Variants in ADAMTS10 observed in about 807,000 individuals in gnomAD.
The protein encoded by ADAMTS10 is A disintegrin and metalloproteinase with thrombospondin motifs 10.
In ADAMTS10, 48 loss-of-function variants were observed where a neutral mutation model predicts 135.9. The observed-to-expected ratio is 0.35, with a 90% confidence interval of 0.28 to 0.45. ADAMTS10 has a LOEUF of 0.45. Ranked by LOEUF, ADAMTS10 falls within the 20% of genes least tolerant of loss-of-function variation. The pLI, the probability that ADAMTS10 is intolerant of heterozygous loss-of-function variation, is 1.00. For synonymous variants in ADAMTS10, 621 were observed against 647.5 expected (o/e 0.96, Z 0.62); for missense variants, 1,131 against 1,565.2 (o/e 0.72, Z 4.68).
intron 23 of ADAMTS10, 32 bp downstream of exon 23, chr19:8,585,424 C>A (rs782733796): frequency 4.6e-5 from 71 of 1,537,322 alleles, no homozygotes; most frequent in Non-Finnish European, 2.5e-5. Flanking sequence ...ACCTGGGCAT[C>A]CCAGTGGGCG....
Position 8,605,877 on chromosome 19 carries a change from A to G in ADAMTS10, c.-99-68T>C. On this transcript the variant is annotated intron_variant, in intron 2 of 25. Transcript: ENST00000597188. This position sits in a 1 kb window ranked among gnomAD's most constrained non-coding sequence, Gnocchi z 7.7. ...TCCAGCACAACCAATGCCAAGGCCA[A>G]TCATGGCCAAAGCTTTTCACCTGAC... is the stretch of plus-strand genomic sequence containing the variant. 7.3e-7 allele frequency: 1 copy of G among 1,376,186 alleles called. No individual in the cohort carries two copies. The highest frequency in any genetic ancestry group is 9.6e-7 in the Non-Finnish European group (1 of 1,043,462). 85.2% of individuals were successfully genotyped at this position (1,376,186 alleles called of 1,614,324 possible).
Position 8,580,276 on chromosome 19 carries a change from G to A in ADAMTS10, c.*617C>T, listed in dbSNP as rs2042325093. On this transcript the variant is annotated 3_prime_UTR_variant, in exon 26 of 26. Transcript: ENST00000597188. ...CTACACAAGACAGAACTTTATTGAT[G>A]TAGGGCTTCCTGGCAGGAGTGTGTG... The A allele has an allele frequency of 6.4e-6, 1 of 155,272 alleles. No homozygotes were observed. Among genetic ancestry groups the A allele is most frequent in the Admixed American group, 6.4e-5 (1 of 15,740 alleles). The allele number at this position is 155,272 out of a possible 1,614,324, so 9.6% of individuals were successfully genotyped here. A position where few individuals can be genotyped will look rare whatever the true frequency, so the allele number is the denominator to read the frequency against.
chr19:8,605,289 A>C lies in ADAMTS10; in HGVS notation c.158T>G (p.Leu53Arg). The change falls in exon 4 of 26, where the codon CTG becomes CGG. Residue 53 changes from leucine to arginine, a missense_variant. By Grantham distance (102) the Leu-to-Arg change is moderately radical. Transcript: ENST00000597188. This position sits in a 1 kb window ranked among gnomAD's most constrained non-coding sequence, Gnocchi z 7.7. ...FPTRVDHNGA[L>R]LAFSPPPPRR... ...GGGAGGAGGTGGCGAGAAGGCCAGCAGTGCCCCGTTGTGGTCCACGCGGGT... is the reference window on the plus strand; with the variant it reads ...GGGAGGAGGTGGCGAGAAGGCCAGCCGTGCCCCGTTGTGGTCCACGCGGGT... 6.2e-7 allele frequency: 1 copy of C among 1,612,612 alleles called. No homozygotes were observed.
intron 25 of ADAMTS10, among the ~76,000 whole-genome samples, chr19:8,584,441 G>C (rs2146036537): frequency 6.6e-6 from 1 of 152,076 alleles, no homozygotes; most frequent in East Asian, 1.9e-4. Context: ...GAGCCCAGGA[G>C]TTGGAGACCA....
chr19:8,592,830 C>A lies in ADAMTS10; in HGVS notation c.1520G>T (p.Arg507Leu). ...SELWCLSKSN[R>L]CITNSIPAAE... ...GGCCGGGATGCTGTTGGTGATGCACCGGTTGCTCTTGCTCAGACACCACAG... is the reference window on the plus strand; with the variant it reads ...GGCCGGGATGCTGTTGGTGATGCACAGGTTGCTCTTGCTCAGACACCACAG... Residue 507 changes from arginine (R) to leucine (L), a missense_variant, in exon 13 of 26, where the codon CGG becomes CTG. By Grantham distance (102) the Arg-to-Leu change is moderately radical. This residue lies in a region of ADAMTS10 where 745 missense variants were observed against 1,056.3 expected (regional missense o/e 0.71). Coordinates refer to ENST00000597188, the MANE Select transcript of ADAMTS10 (RefSeq NM_030957.4). 6.2e-7 allele frequency: 1 copy of A among 1,613,028 alleles called. No individual in the cohort carries two copies. The highest frequency in any genetic ancestry group is 8.5e-7 in the Non-Finnish European group (1 of 1,179,870).
At position 8,596,347 on chromosome 19, in the gene ADAMTS10, G is replaced by A; in HGVS notation, c.1150C>T (p.Leu384=). 6.2e-7 allele frequency: 1 copy of A among 1,613,090 alleles called. No individual in the cohort carries two copies. ...TGGGCAATGGTGAACGCTGTGGCCAGGCCAATGTCCTCATTGACGCTGCAG... is the reference window on the plus strand; with the variant it reads ...TGGGCAATGGTGAACGCTGTGGCCAAGCCAATGTCCTCATTGACGCTGCAG... ...RSCSVNEDIG[L]ATAFTIAHEI... The change falls in exon 10 of 26, where the codon CTG becomes TTG. Residue 384 remains leucine, a synonymous_variant. Coordinates refer to ENST00000597188, the MANE Select transcript of ADAMTS10 (RefSeq NM_030957.4). This position sits in a 1 kb window ranked among gnomAD's most constrained non-coding sequence, Gnocchi z 7.2.
At chr19:8,592,196 TATC>T in intron 13 of ADAMTS10, 93 bp from the exon 14 acceptor site, 1 of 1,349,722 alleles carries the variant, frequency 7.4e-7, no homozygotes, top group Non-Finnish European at 9.6e-7. Flanking sequence ...CAGCCAGAGA[TATC>T]AGCCTCTCCG....
intron 18 of ADAMTS10, among the ~76,000 whole-genome samples, chr19:8,587,325 T>TA (rs1238935898): frequency 8.1e-6 from 1 of 122,938 alleles, no homozygotes; most frequent in Non-Finnish European, 1.7e-5. Flanking sequence ...CCTGGCTAAC[T>TA]AAAAAACCTT....
In ADAMTS10 at chr19:8,589,303, G is replaced by A. The variant is rs781823511; in HGVS notation, c.2097C>T (p.Gly699=). 2.2e-5 allele frequency: 35 copies of A among 1,612,444 alleles called. No individual in the cohort carries two copies. The highest frequency in any genetic ancestry group is 3.3e-4 in the Middle Eastern group (2 of 6,080). ...DLREDKCRVC[G]GDGSACETIE... Reference sequence around the variant, plus strand: ...TGGTCTCGCAGGCACTGCCGTCACCGCCACACACTCGGCACTTGTCCTCCC... The same window carrying A: ...TGGTCTCGCAGGCACTGCCGTCACCACCACACACTCGGCACTTGTCCTCCC... Residue 699 remains glycine, a synonymous_variant, in exon 18 of 26, where the codon GGC becomes GGT. Transcript: ENST00000597188.
intron 25 of ADAMTS10, among the ~76,000 whole-genome samples, chr19:8,583,070 C>T (rs1305879061): frequency 2.0e-5 from 3 of 151,688 alleles, no homozygotes; most frequent in Non-Finnish European, 4.4e-5. Context: ...AGGCATGAGC[C>T]ACCTCGCCCG....
At position 8,597,012 on chromosome 19, in the gene ADAMTS10, G is replaced by T. The variant is rs782424819; in HGVS notation, c.1015C>A (p.His339Asn). 6.2e-7 allele frequency: 1 copy of T among 1,613,938 alleles called. No homozygotes were observed. The highest frequency in any genetic ancestry group is 8.5e-7 in the Non-Finnish European group (1 of 1,180,014). ...NAIPENGVAN[H>N]DTAVLITRYD... ...CGTGTGATGAGCACTGCTGTGTCAT[G>T]GTTAGCCACACCGTTCTCTGGAATG... Residue 339 changes from histidine (H) to asparagine (N), a missense_variant, in exon 8 of 26, where the codon CAT (histidine) becomes AAT (asparagine). His to Asn is a moderately conservative substitution (Grantham distance 68, BLOSUM62 1). This residue lies in a region of ADAMTS10 where 80 missense variants were observed against 164.4 expected (regional missense o/e 0.49). Transcript: ENST00000597188.
Position 8,596,307 on chromosome 19 carries a change from G to C in ADAMTS10, c.1190C>G (p.Thr397Arg). 2.5e-6 allele frequency: 4 copies of C among 1,612,824 alleles called. No homozygotes were observed. Among genetic ancestry groups the C allele is most frequent in the Non-Finnish European group, 3.4e-6 (4 of 1,179,956 alleles). ...CCCCTCTTGTGTGCCCTGGCCTCAC[G>C]TGTGCCCGATCTCGTGGGCAATGGT... ...AFTIAHEIGH[T>R]FGMNHDGVGN... The change falls in exon 10 of 26, where the codon ACA becomes AGA. Residue 397 changes from threonine (T) to arginine (R), a missense_variant and splice_region_variant. Coordinates refer to ENST00000597188, the MANE Select transcript of ADAMTS10 (RefSeq NM_030957.4). This position sits in a 1 kb window ranked among gnomAD's most constrained non-coding sequence, Gnocchi z 7.2.
intron 12 of ADAMTS10, chr19:8,593,176 A>G (rs1467773128): frequency 1.5e-5 from 7 of 473,592 alleles, no homozygotes; most frequent in African/African-American, 1.2e-4. Context: ...ACAGCTACTA[A>G]GGGAATAGCC....
chr19:8,599,574 A>G (rs1555740987), intron 6 of ADAMTS10, among the ~76,000 whole-genome samples: 1 of 151,544 alleles, frequency 6.6e-6, no homozygotes, highest in Non-Finnish European at 1.5e-5. Flanking sequence ...CAGGTGATCC[A>G]CCCACCTTGG....
chr19:8,600,396 C>T (rs978266847), intron 6 of ADAMTS10, among the ~76,000 whole-genome samples: 3 of 152,120 alleles, frequency 2.0e-5, no homozygotes, highest in Non-Finnish European at 4.4e-5. Flanking sequence ...TTCTCCTCCT[C>T]GTTCATTGCC....
At chr19:8,586,322 C>A (rs1268793292) in intron 21 of ADAMTS10, 22 bp downstream of exon 21, 1 of 1,613,504 alleles carries the variant, frequency 6.2e-7, no homozygotes, top group South Asian at 1.1e-5. Flanking sequence ...TATCTTGTGC[C>A]TTCCCCCACC....
chr19:8,607,903 C>T (rs1318417700), intron 2 of ADAMTS10, among the ~76,000 whole-genome samples: 3 of 27,766 alleles, frequency 1.1e-4, no homozygotes, highest in South Asian at 2.5e-3. Context: ...CTCTGTCTCT[C>T]GGGTTCAAGC....
In ADAMTS10 at chr19:8,589,956, C is replaced by A. The variant is rs1441445631; in HGVS notation, c.1833G>T (p.Val611=). The A allele has an allele frequency of 6.2e-7, 1 of 1,614,010 alleles. No individual in the cohort carries two copies. The highest frequency in any genetic ancestry group is 1.6e-4 in the Middle Eastern group (1 of 6,062). Residue 611 remains valine, a synonymous_variant, in exon 16 of 26, where the codon GTG becomes GTT. Coordinates refer to ENST00000597188, the MANE Select transcript of ADAMTS10 (RefSeq NM_030957.4). ...GGATGCTGTCAAATTCAGAACACTG[C>A]ACTTCTCTGAAGTCCTGGGAGCCAG... ...CPPGSQDFRE[V]QCSEFDSIPF...
At chr19:8,583,965 T>A (rs138464784) in intron 25 of ADAMTS10, among the ~76,000 whole-genome samples, 1 of 151,862 alleles carries the variant, frequency 6.6e-6, no homozygotes, top group African/African-American at 2.4e-5. Flanking sequence ...GAGACCAGCC[T>A]GGCCAACATG....
Sources: gnomAD v4.1 joint callset for allele counts (sites outside exome capture counted in the v4.1 genomes callset) on GRCh38, gnomAD v4.1.1 for gene constraint, gnomAD v4.1.1 regional missense constraint, Gnocchi (gnomAD v3.1) non-coding constraint, MANE v1.5 for transcripts, NCBI Gene and HGNC (gene_info 2026-07-23, HGNC 2026-07-21) for gene names.